Variants in NTM observed in about 807,000 individuals in gnomAD.
NTM encodes the protein neurotrimin.
In NTM, 13 loss-of-function variants were observed where a neutral mutation model predicts 42.1. That is an observed-to-expected ratio of 0.31 (90% CI 0.20 to 0.49). NTM has a LOEUF of 0.49. Ranked by LOEUF, NTM falls within the 20% of genes least tolerant of loss-of-function variation. The pLI is 0.99. For missense variants in NTM, 373 were observed against 452.8 expected, an observed-to-expected ratio of 0.82 and a Z score of 1.60; for synonymous variants, 187 against 179.2, an observed-to-expected ratio of 1.04 and a Z score of -0.35.
chr11:131,612,973 C>G (rs1221725140), intron 1 of NTM, among the ~76,000 whole-genome samples: 1 of 152,192 alleles, frequency 6.6e-6, no homozygotes, highest in Non-Finnish European at 1.5e-5. Flanking sequence ...TGGAATTATC[C>G]ATAGCTGCTA....
chr11:132,086,264 C>T (rs2059692221), intron 2 of NTM, among the ~76,000 whole-genome samples: 1 of 142,346 alleles, frequency 7.0e-6, no homozygotes, highest in South Asian at 2.2e-4. Context: ...GCGGAGCTTG[C>T]AGTGAGCCGA....
At chr11:132,010,107 CTT>C (rs1209636171) in intron 2 of NTM, among the ~76,000 whole-genome samples, 1 of 152,218 alleles carries the variant, frequency 6.6e-6, no homozygotes. Context: ...AATCCAAACA[CTT>C]ATCCTCACCA....
intron 2 of NTM, among the ~76,000 whole-genome samples, chr11:131,940,273 A>C (rs2059655597): frequency 6.6e-6 from 1 of 152,210 alleles, no homozygotes; most frequent in South Asian, 2.1e-4. Context: ...ACTTATGTAC[A>C]GTTCCACGAC....
intron 4 of NTM, among the ~76,000 whole-genome samples, chr11:132,273,735 C>T (rs992361157): frequency 3.3e-5 from 5 of 152,040 alleles, no homozygotes; most frequent in South Asian, 4.2e-4. Flanking sequence ...GGTGAAACCC[C>T]GTCTCTACTA....
rs1285117320 is a variant in NTM at position 132,219,543 on chromosome 11, T to C, written c.526+7396T>C. 3.3e-5 allele frequency among the ~76,000 whole-genome samples: 5 copies of C among 151,906 alleles called. No individual in the cohort carries two copies. The East Asian group carries it at 9.6e-4, about 29-fold the overall frequency. On this transcript the variant is annotated intron_variant, in intron 4 of 8. Transcript: ENST00000683400. ...TTATATTATTAAAGGTAATATAATA[T>C]AATAATGTATCTCTTTGCATCAGTT...
chr11:131,947,889 T>G (rs1329695472), intron 2 of NTM, among the ~76,000 whole-genome samples: 1 of 152,182 alleles, frequency 6.6e-6, no homozygotes, highest in African/African-American at 2.4e-5. Context: ...TTGAAAGCAC[T>G]TGATGCAGAG....
At chr11:131,886,200 T>C (rs1030595785) in intron 1 of NTM, among the ~76,000 whole-genome samples, 2 of 152,188 alleles carry the variant, frequency 1.3e-5, no homozygotes, top group Non-Finnish European at 2.9e-5. Context: ...TTAAATGCTT[T>C]CTAGCCATCC....
At chr11:131,668,036 G>A (rs555076349) in intron 1 of NTM, among the ~76,000 whole-genome samples, 12 of 152,284 alleles carry the variant, frequency 7.9e-5, no homozygotes, top group East Asian at 3.9e-4. Flanking sequence ...AGCTTTTGTC[G>A]TTCCTATTTT....
intron 1 of NTM, among the ~76,000 whole-genome samples, chr11:131,901,728 T>C (rs1195510655): frequency 6.6e-6 from 1 of 152,204 alleles, no homozygotes; most frequent in Non-Finnish European, 1.5e-5. Context: ...TTGTCAAAAC[T>C]GTTGTGAAAG....
Position 131,873,707 on chromosome 11 carries a change from A to G in NTM, c.83-37857A>G, listed in dbSNP as rs547888216. Among the ~76,000 whole-genome samples, 349 of 144,228 alleles carry G rather than the reference A, an allele frequency of 2.4e-3. 8 individuals carry two copies. Among genetic ancestry groups the G allele is most frequent in the African/African-American group, 8.5e-3 (333 of 39,102 alleles). The allele number at this position is 144,228 out of a possible 152,430, so 94.6% of individuals were successfully genotyped here. A position where few individuals can be genotyped will look rare whatever the true frequency, so the allele number is the denominator to read the frequency against. The stretch of plus-strand genomic sequence containing the variant: ...CATATATATACACACATATATATAT[A>G]TACACACACACACTTTTAATGTATA... On this transcript the variant is annotated intron_variant, in intron 1 of 8. Coordinates refer to ENST00000683400, the MANE Select transcript of NTM (RefSeq NM_001352005.2).
intron 1 of NTM, among the ~76,000 whole-genome samples, chr11:131,751,767 C>A (rs1193910990): frequency 1.4e-5 from 2 of 146,036 alleles, no homozygotes; most frequent in Admixed American, 6.8e-5. Context: ...CCCCCCTCAC[C>A]CCCCCCCAAA....
At chr11:131,777,917 A>G (rs1457018540) in intron 1 of NTM, among the ~76,000 whole-genome samples, 4 of 152,194 alleles carry the variant, frequency 2.6e-5, no homozygotes, top group Non-Finnish European at 4.4e-5. Context: ...TGACCCAATT[A>G]TGCTTGCATG....
At chr11:132,096,236 G>C (rs2060966544) in intron 2 of NTM, among the ~76,000 whole-genome samples, 1 of 152,142 alleles carries the variant, frequency 6.6e-6, no homozygotes, top group South Asian at 2.1e-4. Context: ...GAGCAACTCA[G>C]TTTCACATTA....
rs1477216540 is a variant in NTM at position 132,245,498 on chromosome 11, G to A, written c.526+33351G>A. On this transcript the variant is annotated intron_variant, in intron 4 of 8. Coordinates refer to ENST00000683400, the MANE Select transcript of NTM (RefSeq NM_001352005.2). ...GGCATAATATTAGAAAGAGCAAGCG[G>A]AGCATTTTATGCACGGTGCCTTTTT... 2.0e-5 allele frequency among the ~76,000 whole-genome samples: 3 copies of A among 152,128 alleles called. No individual in the cohort carries two copies. The East Asian group carries it at 5.8e-4, about 29-fold the overall frequency.
In NTM at chr11:131,737,652, C is replaced by A. The variant is rs556956221; in HGVS notation, c.83-173912C>A. Among the ~76,000 whole-genome samples the A allele has an allele frequency of 3.9e-5, 6 of 152,222 alleles. No homozygotes were observed. The South Asian group carries it at 8.3e-4, about 21-fold the overall frequency. On this transcript the variant is annotated intron_variant, in intron 1 of 8. Transcript: ENST00000683400. ...AATGTCCGTGCTCTCTGCTCCGTCT[C>A]CCTTCTCTCTTTCGCCTTCTTTATG...
At chr11:132,041,845 G>T (rs2077248639) in intron 2 of NTM, among the ~76,000 whole-genome samples, 1 of 152,166 alleles carries the variant, frequency 6.6e-6, no homozygotes, top group Non-Finnish European at 1.5e-5. Flanking sequence ...CCACACTGAG[G>T]CTTAGTTTCC....
Position 132,239,975 on chromosome 11 carries a change from CCATCCATCCAT to C in NTM, c.526+27841_526+27851del, listed in dbSNP as rs758524450. ...TTCATCCATCCAACCACCCATCCATCCATCCATCCATCATCCATCCATCCATTCATCCATCC... is the reference window on the plus strand; with the variant it reads ...TTCATCCATCCAACCACCCATCCATCCATCCATCCATCCATTCATCCATCC... On this transcript the variant is annotated intron_variant, in intron 4 of 8. Transcript: ENST00000683400. Among the ~76,000 whole-genome samples the C allele has an allele frequency of 1.4e-3, 208 of 152,138 alleles. 4 individuals carry two copies. Among genetic ancestry groups the C allele is most frequent in the Admixed American group, 5.2e-4 (8 of 15,276 alleles).
chr11:132,027,296 T>C (rs2075314036), intron 2 of NTM, among the ~76,000 whole-genome samples: 1 of 152,358 alleles, frequency 6.6e-6, no homozygotes, highest in Non-Finnish European at 1.5e-5. Flanking sequence ...TCTGAATCTC[T>C]GATTGATAGA....
intron 8 of NTM, chr11:132,332,745 T>G (rs961037759): frequency 7.2e-5 from 11 of 152,196 alleles, no homozygotes; most frequent in African/African-American, 2.7e-4. Flanking sequence ...GAAACAAGGT[T>G]TCAGCATTCC....
Sources: allele counts gnomAD v4.1 joint callset (sites outside exome capture counted in the v4.1 genomes callset), GRCh38; gene constraint gnomAD v4.1.1; transcripts MANE v1.5; gene names NCBI Gene and HGNC (gene_info 2026-07-23, HGNC 2026-07-21).